The following KHDRBS2 variants were observed in gnomAD, a reference collection of about 807,000 sequenced individuals.
The protein encoded by KHDRBS2 is KH RNA binding domain containing, signal transduction associated 2.
Under a neutral mutation model 44.3 loss-of-function variants are expected in KHDRBS2, and 26 were observed. The ratio of observed to expected loss-of-function variants is 0.59; its 90% CI spans 0.43 to 0.81. The LOEUF (loss-of-function observed/expected upper bound fraction) is 0.81, where lower values mean the gene tolerates loss of function less well. Among genes scored for constraint, KHDRBS2 ranks in the 40% least tolerant of loss-of-function variants. KHDRBS2 has a pLI of 0.00. For synonymous variants in KHDRBS2, 194 were observed against 151.1 expected, an observed-to-expected ratio of 1.28 and a Z score of -2.08; for missense variants, 476 against 433.1, an observed-to-expected ratio of 1.10 and a Z score of -0.88.
intron 4 of KHDRBS2, among the ~76,000 whole-genome samples, chr6:61,941,897 C>G (rs1245212778): frequency 6.6e-6 from 1 of 152,050 alleles, no homozygotes; most frequent in Non-Finnish European, 1.5e-5. Flanking sequence ...TAATAATACT[C>G]CAGCAAAAGA....
intron 6 of KHDRBS2, among the ~76,000 whole-genome samples, chr6:61,781,634 C>G (rs1782943633): frequency 6.6e-6 from 1 of 152,088 alleles, no homozygotes; most frequent in African/African-American, 2.4e-5. Context: ...GATACACATG[C>G]AATTTTCTTG....
intron 6 of KHDRBS2, among the ~76,000 whole-genome samples, chr6:61,785,585 A>T (rs1221161651): frequency 1.3e-5 from 2 of 152,056 alleles, no homozygotes; most frequent in South Asian, 2.1e-4. Flanking sequence ...TTGTTAAAAA[A>T]TAACTGTCTA....
At chr6:61,711,382 T>C (rs1770490130) in intron 7 of KHDRBS2, among the ~76,000 whole-genome samples, 1 of 151,848 alleles carries the variant, frequency 6.6e-6, no homozygotes, top group Non-Finnish European at 1.5e-5. Context: ...AGAATTTATA[T>C]TCAAAAGATA....
chr6:62,089,311 T>A (rs1017853292), intron 2 of KHDRBS2, among the ~76,000 whole-genome samples: 3 of 151,296 alleles, frequency 2.0e-5, no homozygotes, highest in Admixed American at 6.6e-5. Flanking sequence ...GCTCTGTGTC[T>A]GCCCAAATGG....
intron 1 of KHDRBS2, among the ~76,000 whole-genome samples, chr6:62,204,041 C>T (rs1429635526): frequency 2.6e-5 from 4 of 152,110 alleles, no homozygotes; most frequent in Non-Finnish European, 5.9e-5. Flanking sequence ...CATCCCAGCT[C>T]CCCATCCCCT....
At chr6:61,955,403 CAT>C (rs1164437628) in intron 4 of KHDRBS2, among the ~76,000 whole-genome samples, 1 of 31,786 alleles carries the variant, frequency 3.1e-5, no homozygotes, top group African/African-American at 3.7e-4. Flanking sequence ...TGTATGTATA[CAT>C]ATACGTGTAT....
intron 2 of KHDRBS2, among the ~76,000 whole-genome samples, chr6:62,117,789 T>C (rs1319822855): frequency 6.6e-6 from 1 of 152,126 alleles, no homozygotes; most frequent in Admixed American, 6.6e-5. Context: ...TTTTATTTTT[T>C]TTTTGAGATG....
chr6:62,066,337 A>G (rs1267832277), intron 2 of KHDRBS2, among the ~76,000 whole-genome samples: 1 of 151,636 alleles, frequency 6.6e-6, no homozygotes, highest in Non-Finnish European at 1.5e-5. Context: ...GCACAATTCC[A>G]TTTTTATCTA....
chr6:61,853,977 T>C (rs1187891036), intron 6 of KHDRBS2, among the ~76,000 whole-genome samples: 1 of 152,240 alleles, frequency 6.6e-6, no homozygotes, highest in African/African-American at 2.4e-5. Context: ...CTTGGTCACA[T>C]GTCTCTATTT....
the KHDRBS2 span, among the ~76,000 whole-genome samples, chr6:61,558,200 G>C: frequency 0.81 from 122,759 of 151,982 alleles, 50,079 homozygotes; most frequent in African/African-American, 0.91. Flanking sequence ...TTTTCTAGGT[G>C]TTTAAGATGA....
chr6:61,551,325 C>T, the KHDRBS2 span, among the ~76,000 whole-genome samples: 4 of 152,000 alleles, frequency 2.6e-5, no homozygotes, highest in Admixed American at 6.6e-5. Context: ...TTGTCTGTTA[C>T]TCTGTTGATA....
intron 6 of KHDRBS2, among the ~76,000 whole-genome samples, chr6:61,798,215 T>C (rs1785695280): frequency 6.6e-6 from 1 of 152,106 alleles, no homozygotes; most frequent in Non-Finnish European, 1.5e-5. Context: ...AGAGTGGTCA[T>C]TTTGATGCAC....
At position 61,941,022 on chromosome 6, in the gene KHDRBS2, TG is replaced by T. The variant is rs533550737; in HGVS notation, c.483+37043del. Among the ~76,000 whole-genome samples the T allele has an allele frequency of 1.8e-3, 269 of 152,310 alleles. 2 individuals carry two copies. Among genetic ancestry groups the T allele is most frequent in the African/African-American group, 6.1e-3 (255 of 41,578 alleles). ...CTCTCCCAAACATTTCACCAGTGGCTGGGGGTTGTCCTCCTGCCTACCATGG... is the reference window on the plus strand; with the variant it reads ...CTCTCCCAAACATTTCACCAGTGGCTGGGGTTGTCCTCCTGCCTACCATGG... On this transcript the variant is annotated intron_variant, in intron 4 of 8. Coordinates refer to ENST00000281156, the MANE Select transcript of KHDRBS2 (RefSeq NM_152688.4).
rs149981755 is a variant in KHDRBS2, at chr6:61,885,126, A to C, written c.810+9509T>G. 1.1e-3 allele frequency among the ~76,000 whole-genome samples: 172 copies of C among 152,234 alleles called. No individual in the cohort carries two copies. In the East Asian group the frequency reaches 0.028, roughly 25 times the overall value. On this transcript the variant is annotated intron_variant, in intron 6 of 8. Transcript: ENST00000281156. ...AGAATTTCTGTTTTATTAGTCAACA[A>C]ATCCCTATGCTTTTTGGAGGTCTAC...
At chr6:62,036,527 T>A (rs1785318886) in intron 3 of KHDRBS2, among the ~76,000 whole-genome samples, 1 of 152,072 alleles carries the variant, frequency 6.6e-6, no homozygotes, top group Middle Eastern at 3.4e-3. Context: ...ACCTGCACTT[T>A]TATTCTCTAA....
chr6:62,244,324 C>G (rs1835196309), intron 1 of KHDRBS2, among the ~76,000 whole-genome samples: 3 of 151,862 alleles, frequency 2.0e-5, no homozygotes, highest in Admixed American at 2.0e-4. Context: ...ATGGAACTTG[C>G]CTGTTTTTAA....
intron 3 of KHDRBS2, among the ~76,000 whole-genome samples, chr6:61,983,575 A>C (rs1202872755): frequency 1.3e-5 from 2 of 152,088 alleles, no homozygotes; most frequent in Non-Finnish European, 2.9e-5. Context: ...CAGGTGAAGT[A>C]GGGTGGTTGG....
At chr6:61,849,878 T>C (rs966557608) in intron 6 of KHDRBS2, among the ~76,000 whole-genome samples, 1 of 152,180 alleles carries the variant, frequency 6.6e-6, no homozygotes, top group African/African-American at 2.4e-5. Context: ...TATGGCTTAC[T>C]GAATAGGATG....
chr6:61,755,798 T>G, intron 6 of KHDRBS2, among the ~76,000 whole-genome samples: 1 of 90,234 alleles, frequency 1.1e-5, no homozygotes, highest in East Asian at 3.0e-4. Context: ...AGACTCTGTC[T>G]CAAAAAAAAA....
Sources: gnomAD v4.1 joint callset for allele counts (sites outside exome capture counted in the v4.1 genomes callset) on GRCh38, gnomAD v4.1.1 for gene constraint, MANE v1.5 for transcripts, NCBI Gene and HGNC (gene_info 2026-07-23, HGNC 2026-07-21) for gene names.